The following TRIM9 variants were observed in gnomAD, a reference collection of about 807,000 sequenced individuals.
TRIM9 encodes the protein tripartite motif containing 9, also known as E3 ubiquitin-protein ligase TRIM9.
TRIM9 carries 26 observed loss-of-function variants against 78.3 expected under a neutral mutation model. The ratio of observed to expected loss-of-function variants is 0.33; its 90% CI spans 0.24 to 0.46. TRIM9 has a LOEUF of 0.46. TRIM9 is among the 20% of genes least tolerant of loss of function. The pLI is 1.00. For missense variants in TRIM9, 787 were observed against 1,036.4 expected (o/e 0.76, Z 3.30); for synonymous variants, 398 against 416.5 (o/e 0.96, Z 0.54).
intron 5 of TRIM9, among the ~76,000 whole-genome samples, chr14:51,001,819 G>C (rs2055090606): frequency 6.6e-6 from 1 of 152,110 alleles, no homozygotes; most frequent in Admixed American, 6.5e-5. Flanking sequence ...AACAGCACTA[G>C]GTCAAGTCTA....
At chr14:51,045,382 T>A (rs2059875248) in intron 1 of TRIM9, among the ~76,000 whole-genome samples, 1 of 152,226 alleles carries the variant, frequency 6.6e-6, no homozygotes. Context: ...GATTTCATTT[T>A]AACGTAAGAT....
At chr14:50,985,869 A>T in intron 8 of TRIM9, 87 bp downstream of exon 8, 1 of 1,219,472 alleles carries the variant, frequency 8.2e-7, no homozygotes, top group Admixed American at 3.3e-5. Flanking sequence ...CTCACCACGC[A>T]CATGAATGGC....
chr14:50,992,370 G>A (rs1364319217), intron 7 of TRIM9, among the ~76,000 whole-genome samples: 2 of 151,980 alleles, frequency 1.3e-5, no homozygotes, highest in Non-Finnish European at 2.9e-5. Context: ...TTGAGGCCGG[G>A]AGTTTGAGAC....
intron 3 of TRIM9, among the ~76,000 whole-genome samples, chr14:51,017,378 G>C (rs1437203585): frequency 6.6e-6 from 1 of 152,162 alleles, no homozygotes; most frequent in Non-Finnish European, 1.5e-5. Flanking sequence ...CCTGTTTTTA[G>C]GAAGTCTTGA....
At chr14:51,012,198 T>C (rs1264639532) in intron 3 of TRIM9, among the ~76,000 whole-genome samples, 1 of 152,182 alleles carries the variant, frequency 6.6e-6, no homozygotes, top group African/African-American at 2.4e-5. Flanking sequence ...TCTTCCCAAA[T>C]TGAAACTCTA....
chr14:50,985,441 T>C (rs776882822), intron 8 of TRIM9, among the ~76,000 whole-genome samples: 2 of 152,204 alleles, frequency 1.3e-5, no homozygotes, highest in Non-Finnish European at 2.9e-5. Context: ...GCCTGCTTTA[T>C]AGGATGCTTT....
At chr14:51,070,130 T>C (rs1415575637) in intron 1 of TRIM9, among the ~76,000 whole-genome samples, 1 of 152,204 alleles carries the variant, frequency 6.6e-6, no homozygotes, top group Non-Finnish European at 1.5e-5. Flanking sequence ...ATTTGCTGTT[T>C]AAATGGCCCC....
chr14:50,982,248 G>A (rs1395264200), intron 10 of TRIM9, 145 bp from the exon 11 acceptor site: 1 of 870,802 alleles, frequency 1.1e-6, no homozygotes, highest in South Asian at 1.7e-5. Flanking sequence ...GGGCAGACAG[G>A]GGCACGTCCT....
At chr14:50,989,262 C>T (rs2053165727) in intron 7 of TRIM9, among the ~76,000 whole-genome samples, 1 of 152,212 alleles carries the variant, frequency 6.6e-6, no homozygotes, top group Admixed American at 6.5e-5. Context: ...TTGCCACTCC[C>T]TGGTTTAGCC....
chr14:50,985,892 C>T lies in TRIM9; in HGVS notation c.1792+64G>A, dbSNP rs985756280. The T allele has an allele frequency of 3.2e-5, 43 of 1,332,352 alleles. No homozygotes were observed. The Middle Eastern group carries it at 7.1e-4, about 22-fold the overall frequency. 82.5% of individuals were successfully genotyped at this position (1,332,352 alleles called of 1,614,324 possible). A position where few individuals can be genotyped will look rare whatever the true frequency, so the allele number is the denominator to read the frequency against. ...GCACATGAATGGCAAGAACAAGACA[C>T]GCGTTTCAGAGATGCCTTCAAGGCA... On this transcript the variant is annotated intron_variant, in intron 8 of 12. Coordinates refer to ENST00000684578, the MANE Select transcript of TRIM9 (RefSeq NM_001387360.1).
intron 1 of TRIM9, among the ~76,000 whole-genome samples, chr14:51,066,981 C>A (rs1411513654): frequency 6.6e-6 from 1 of 152,148 alleles, no homozygotes; most frequent in Non-Finnish European, 1.5e-5. Flanking sequence ...CGTCCTCAGG[C>A]CAAATTTAGT....
intron 6 of TRIM9, 99 bp from the exon 7 acceptor site, chr14:50,998,287 T>C: frequency 8.8e-7 from 1 of 1,141,976 alleles, no homozygotes; most frequent in South Asian, 1.5e-5. Flanking sequence ...AGCCCTGGTG[T>C]CATTCTAATC....
chr14:51,044,003 T>C (rs1009581763), intron 1 of TRIM9, among the ~76,000 whole-genome samples: 1 of 152,224 alleles, frequency 6.6e-6, no homozygotes, highest in Non-Finnish European at 1.5e-5. Flanking sequence ...TCTGATAGAC[T>C]GGAGCAATGG....
intron 2 of TRIM9, 82 bp downstream of exon 2, chr14:51,025,183 T>C (rs951981635): frequency 8.0e-7 from 1 of 1,257,618 alleles, no homozygotes; most frequent in African/African-American, 1.5e-5. Flanking sequence ...CACATAAAAA[T>C]AAAAGAGGAG....
At chr14:51,024,385 A>G (rs1409238675) in intron 2 of TRIM9, among the ~76,000 whole-genome samples, 1 of 152,236 alleles carries the variant, frequency 6.6e-6, no homozygotes, top group African/African-American at 2.4e-5. Flanking sequence ...CCAAAAAAAA[A>G]GGCAAAGAAA....
chr14:51,010,503 A>T lies in TRIM9; in HGVS notation c.1042-9T>A, dbSNP rs1334069161. ...ATCTGATCTCGAACCACCTAGGATT[A>T]AAAAAAAAACAACAGAACAGTCCAA... On this transcript the variant is annotated splice_polypyrimidine_tract_variant and intron_variant, in intron 3 of 12. Coordinates refer to ENST00000684578, the MANE Select transcript of TRIM9 (RefSeq NM_001387360.1). 2.1e-6 allele frequency: 3 copies of T among 1,415,976 alleles called. No homozygotes were observed. The highest frequency in any genetic ancestry group is 1.4e-5 in the African/African-American group (1 of 69,162). The allele number at this position is 1,415,976 out of a possible 1,614,324, so 87.7% of individuals were successfully genotyped here. A position where few individuals can be genotyped will look rare whatever the true frequency, so the allele number is the denominator to read the frequency against.
intron 1 of TRIM9, 124 bp from the exon 2 acceptor site, chr14:51,025,484 T>A: frequency 1.3e-6 from 1 of 767,780 alleles, no homozygotes; most frequent in Non-Finnish European, 2.1e-6. Flanking sequence ...TTGGACCTTT[T>A]TGCTGGCATT....
At chr14:50,998,292 C>A (rs111278189) in intron 6 of TRIM9, 104 bp from the exon 7 acceptor site, 3 of 1,113,774 alleles carry the variant, frequency 2.7e-6, no homozygotes, top group South Asian at 1.5e-5. Flanking sequence ...TGGTGTCATT[C>A]TAATCTGGAT....
At chr14:51,062,771 G>C (rs932458506) in intron 1 of TRIM9, among the ~76,000 whole-genome samples, 1 of 152,158 alleles carries the variant, frequency 6.6e-6, no homozygotes, top group Non-Finnish European at 1.5e-5. Flanking sequence ...ATGCATGGGA[G>C]AGACTCCAAG....
Sources: gnomAD v4.1 joint callset for allele counts (sites outside exome capture counted in the v4.1 genomes callset) on GRCh38, gnomAD v4.1.1 for gene constraint, MANE v1.5 for transcripts, NCBI Gene and HGNC (gene_info 2026-07-23, HGNC 2026-07-21) for gene names.